NCK2: variants seen among roughly 807,000 people sequenced by gnomAD.
NCK2 encodes the protein NCK adaptor protein 2, also known as cytoplasmic protein NCK2.
In NCK2, 16 loss-of-function variants were observed where a neutral mutation model predicts 33.9. The ratio of observed to expected loss-of-function variants is 0.47; its 90% CI spans 0.32 to 0.72. NCK2 has a LOEUF of 0.72. Among genes scored for constraint, NCK2 ranks in the 30% least tolerant of loss-of-function variants. The probability of loss-of-function intolerance (pLI) is 0.03; values close to 1 mark genes in which losing one functional copy is unlikely to be tolerated. For missense variants in NCK2, 418 were observed against 537.3 expected (o/e 0.78, Z 2.19); for synonymous variants, 273 against 239.9 (o/e 1.14, Z -1.27).
Position 105,801,777 on chromosome 2 carries a change from A to G in NCK2, c.-200-14653A>G, listed in dbSNP as rs967541906. On this transcript the variant is annotated intron_variant, in intron 1 of 4. Coordinates refer to ENST00000233154, the MANE Select transcript of NCK2 (RefSeq NM_003581.5). ...CATTTTCGTGTCCACTCGGGGGAAC[A>G]AAGTGACATTTTCTGTGAGTGTGCA... Among the ~76,000 whole-genome samples the G allele has an allele frequency of 3.9e-5, 6 of 152,270 alleles. No homozygotes were observed. The East Asian group carries it at 9.7e-4, about 25-fold the overall frequency.
rs1282997655 is a variant in NCK2, at chr2:105,770,153, T to TA, written c.-201+25016dup. 3.3e-5 allele frequency among the ~76,000 whole-genome samples: 5 copies of TA among 150,938 alleles called. No individual in the cohort carries two copies. The East Asian group carries it at 9.7e-4, about 29-fold the overall frequency. On this transcript the variant is annotated intron_variant, in intron 1 of 4. Coordinates refer to ENST00000233154, the MANE Select transcript of NCK2 (RefSeq NM_003581.5). ...AAAAAAAAAAAAAAAGAAAAAGGTA[T>TA]ATTGCAACAAGAAAAAGGATGGTGC...
chr2:105,802,196 G>A (rs954941515), intron 1 of NCK2, among the ~76,000 whole-genome samples: 1 of 152,212 alleles, frequency 6.6e-6, no homozygotes, highest in Non-Finnish European at 1.5e-5. Flanking sequence ...GACGGAAACT[G>A]ATGTGATGAA....
rs1189638994 is a variant in NCK2, at chr2:105,881,343, G to T, written c.242G>T (p.Arg81Leu). 1 of 1,598,696 alleles carries T rather than the reference G, an allele frequency of 6.3e-7. No homozygotes were observed. Among genetic ancestry groups the T allele is most frequent in the Non-Finnish European group, 8.5e-7 (1 of 1,175,590 alleles). The change falls in exon 4 of 5, where the codon CGC (arginine) becomes CTC (leucine). Residue 81 changes from arginine to leucine, a missense_variant. By Grantham distance (102) the Arg-to-Leu change is moderately radical. Coordinates refer to ENST00000233154, the MANE Select transcript of NCK2 (RefSeq NM_003581.5). ...GTCTCCACAGGCCTCGGCAAGACGC[G>T]CAGGAAGACCAGCGCGCGGGATGCG... The part of the protein sequence containing the change: ...LKDTLGLGKT[R>L]RKTSARDASP...
chr2:105,758,107 A>C (rs149920128), intron 1 of NCK2, among the ~76,000 whole-genome samples: 40 of 152,322 alleles, frequency 2.6e-4, no homozygotes, highest in African/African-American at 8.7e-4. Flanking sequence ...TGAGAGCTTT[A>C]TCTCTTAAAA....
At chr2:105,851,425 G>A (rs1169334669) in intron 2 of NCK2, among the ~76,000 whole-genome samples, 2 of 152,246 alleles carry the variant, frequency 1.3e-5, no homozygotes, top group East Asian at 1.9e-4. Flanking sequence ...CACCACCCCC[G>A]GCTGCTCTTT....
At chr2:105,845,694 G>A (rs572129801) in intron 2 of NCK2, among the ~76,000 whole-genome samples, 4 of 152,054 alleles carry the variant, frequency 2.6e-5, no homozygotes, top group South Asian at 4.1e-4. Flanking sequence ...ACGCCCAGCC[G>A]AGGTTTTTTT....
At chr2:105,770,508 C>T (rs1035681175) in intron 1 of NCK2, among the ~76,000 whole-genome samples, 1 of 152,162 alleles carries the variant, frequency 6.6e-6, no homozygotes, top group Admixed American at 6.5e-5. Context: ...TGTGTGTTTA[C>T]ATAACTGATC....
chr2:105,885,211 A>AT (rs1386021864), intron 4 of NCK2, among the ~76,000 whole-genome samples: 3 of 152,128 alleles, frequency 2.0e-5, no homozygotes, highest in African/African-American at 7.2e-5. Flanking sequence ...GCGGGAGGCC[A>AT]TTTTCCTCTG....
intron 3 of NCK2, among the ~76,000 whole-genome samples, chr2:105,869,433 T>C (rs892550616): frequency 1.4e-4 from 21 of 152,158 alleles, no homozygotes; most frequent in African/African-American, 5.1e-4. Context: ...GATGAAGACA[T>C]GTAGATGCAG....
chr2:105,893,032 C>T lies in NCK2; in HGVS notation c.999C>T (p.Phe333=). The T allele has an allele frequency of 1.9e-6, 3 of 1,614,136 alleles. No individual in the cohort carries two copies. Among genetic ancestry groups the T allele is most frequent in the Non-Finnish European group, 2.5e-6 (3 of 1,179,980 alleles). Reference sequence around the variant, plus strand: ...AAGCGTCAGGGAAGAACAAACACTTCAAGGTGCAGCTCGTGGACAATGTCT... The same window carrying T: ...AAGCGTCAGGGAAGAACAAACACTTTAAGGTGCAGCTCGTGGACAATGTCT... ...SLKASGKNKH[F]KVQLVDNVYC... is the part of the protein sequence containing the mutation. Residue 333 remains phenylalanine (F), a synonymous_variant, in exon 5 of 5, where the codon TTC becomes TTT. Coordinates refer to ENST00000233154, the MANE Select transcript of NCK2 (RefSeq NM_003581.5).
chr2:105,871,605 C>T (rs1439122445), intron 3 of NCK2, among the ~76,000 whole-genome samples: 1 of 152,068 alleles, frequency 6.6e-6, no homozygotes, highest in East Asian at 1.9e-4. Flanking sequence ...AAGCAATTCT[C>T]CTGCCTCAGC....
At chr2:105,747,307 A>G (rs1689317209) in intron 1 of NCK2, among the ~76,000 whole-genome samples, 1 of 152,228 alleles carries the variant, frequency 6.6e-6, no homozygotes, top group Non-Finnish European at 1.5e-5. Flanking sequence ...TATTAAATAC[A>G]CCGGAAATCT....
chr2:105,748,139 GGTA>G (rs1342196766), intron 1 of NCK2, among the ~76,000 whole-genome samples: 1 of 152,176 alleles, frequency 6.6e-6, no homozygotes, highest in Admixed American at 6.5e-5. Flanking sequence ...TTTTGATTGA[GGTA>G]GCAGTGTCAC....
chr2:105,784,170 C>T (rs886586986), intron 1 of NCK2, among the ~76,000 whole-genome samples: 2 of 152,244 alleles, frequency 1.3e-5, no homozygotes, highest in Non-Finnish European at 2.9e-5. Flanking sequence ...GTGGCGTCAT[C>T]TCTGTTCACT....
intron 3 of NCK2, among the ~76,000 whole-genome samples, chr2:105,880,500 TG>T (rs1678426590): frequency 6.6e-6 from 1 of 151,860 alleles, no homozygotes; most frequent in Non-Finnish European, 1.5e-5. Context: ...GGGGTGAGGG[TG>T]GGGGCAGTGA....
chr2:105,780,807 C>T (rs751262557), intron 1 of NCK2, among the ~76,000 whole-genome samples: 49 of 152,190 alleles, frequency 3.2e-4, no homozygotes, highest in African/African-American at 9.7e-4. Flanking sequence ...AGCAAGAAGC[C>T]GCCGTGTAGG....
In NCK2 at chr2:105,874,014, G is replaced by A. The variant is rs151238863; in HGVS notation, c.227-7314G>A. On this transcript the variant is annotated intron_variant, in intron 3 of 4. Transcript: ENST00000233154. ...AAAGGCGGGGGAAGGCTCGGGGTGA[G>A]ATGGGGCCCTTCACAGAGAGGAATT... Among the ~76,000 whole-genome samples the A allele has an allele frequency of 2.3e-3, 346 of 152,322 alleles. 3 individuals carry two copies. Among genetic ancestry groups the A allele is most frequent in the African/African-American group, 7.9e-3 (328 of 41,566 alleles).
At chr2:105,862,803 C>T (rs1344810128) in intron 3 of NCK2, among the ~76,000 whole-genome samples, 4 of 152,114 alleles carry the variant, frequency 2.6e-5, no homozygotes, top group African/African-American at 7.2e-5. Context: ...TTTTTTGCGC[C>T]GTTTTTGTAA....
intron 2 of NCK2, among the ~76,000 whole-genome samples, chr2:105,836,757 G>A (rs1428730018): frequency 2.0e-5 from 3 of 152,158 alleles, no homozygotes; most frequent in African/African-American, 7.2e-5. Context: ...GATACGGTGA[G>A]ATGTTGACAG....
Sources: allele counts gnomAD v4.1 joint callset (sites outside exome capture counted in the v4.1 genomes callset), GRCh38; gene constraint gnomAD v4.1.1; transcripts MANE v1.5; gene names NCBI Gene and HGNC (gene_info 2026-07-23, HGNC 2026-07-21).